The following KLHL3 variants were observed in gnomAD, a reference collection of about 807,000 sequenced individuals.
KLHL3 encodes kelch like family member 3, also known as kelch-like protein 3.
KLHL3 carries 19 observed loss-of-function variants against 70.5 expected under a neutral mutation model. That is an observed-to-expected ratio of 0.27 (90% CI 0.19 to 0.40). KLHL3 has a LOEUF of 0.40. Among genes scored for constraint, KLHL3 ranks in the 10% least tolerant of loss-of-function variants. The pLI is 1.00. For missense variants in KLHL3, 512 were observed against 771.1 expected (o/e 0.66, Z 3.98); for synonymous variants, 258 against 290.3 (o/e 0.89, Z 1.13).
chr5:137,663,056 C>CTTTTGTT (rs1751522082), intron 6 of KLHL3, among the ~76,000 whole-genome samples: 1 of 77,928 alleles, frequency 1.3e-5, no homozygotes, highest in African/African-American at 5.4e-5. Context: ...AGCACTCGTT[C>CTTTTGTT]TTTTTTTTTT....
rs375244918 is a variant in KLHL3 at position 137,649,178 on chromosome 5, C to A, written c.903+8953G>T. Among the ~76,000 whole-genome samples, 19 of 152,240 alleles carry A rather than the reference C, an allele frequency of 1.2e-4. No homozygotes were observed. The East Asian group carries it at 2.7e-3, about 22-fold the overall frequency. On this transcript the variant is annotated intron_variant, in intron 8 of 14. Coordinates refer to ENST00000309755, the MANE Select transcript of KLHL3 (RefSeq NM_017415.3). ...GTGCTTTAAAGATGGGTCACAAATT[C>A]TGTGATACTACTACACTCAGACGTG...
In KLHL3 at chr5:137,735,786, C is replaced by T; in HGVS notation, c.-140G>A. ...TCAGCATGGCTGCAAGTGAAGCCTC[C>T]TCCCTTCTCAATCCTCCTTCCTCTG... On this transcript the variant is annotated 5_prime_UTR_variant, in exon 1 of 15. Coordinates refer to ENST00000309755, the MANE Select transcript of KLHL3 (RefSeq NM_017415.3). 8.8e-7 allele frequency: 1 copy of T among 1,130,668 alleles called. No homozygotes were observed. The highest frequency in any genetic ancestry group is 1.7e-5 in the Admixed American group (1 of 58,534). 70.0% of individuals were successfully genotyped at this position (1,130,668 alleles called of 1,614,324 possible).
chr5:137,661,529 C>T (rs931829328), intron 7 of KLHL3: 1 of 162,404 alleles, frequency 6.2e-6, no homozygotes, highest in Non-Finnish European at 1.3e-5. Context: ...TCAACAAAGA[C>T]AGCTAACTTT....
chr5:137,675,757 A>G (rs182845551), intron 6 of KLHL3, among the ~76,000 whole-genome samples: 10 of 152,290 alleles, frequency 6.6e-5, no homozygotes, highest in Admixed American at 5.9e-4. Flanking sequence ...TGATCTCAAG[A>G]GCAAGATGGG....
intron 10 of KLHL3, 75 bp from the exon 11 acceptor site, chr5:137,637,470 G>A (rs1750797303): frequency 1.5e-6 from 2 of 1,315,304 alleles, no homozygotes; most frequent in South Asian, 2.4e-5. Context: ...GTGAGGATGG[G>A]GGAGGAGTCC....
At chr5:137,663,418 A>G (rs886094240) in intron 6 of KLHL3, among the ~76,000 whole-genome samples, 1 of 152,036 alleles carries the variant, frequency 6.6e-6, no homozygotes, top group Non-Finnish European at 1.5e-5. Flanking sequence ...CAAGTCCCTT[A>G]TATAAAATGG....
At chr5:137,703,888 AT>A (rs1752622154) in intron 3 of KLHL3, among the ~76,000 whole-genome samples, 1 of 151,732 alleles carries the variant, frequency 6.6e-6, no homozygotes. Flanking sequence ...AAAAAAAAAA[AT>A]CAACCCTAAT....
chr5:137,669,479 A>G (rs1176445921), intron 6 of KLHL3, among the ~76,000 whole-genome samples: 4 of 149,928 alleles, frequency 2.7e-5, no homozygotes, highest in African/African-American at 9.7e-5. Context: ...ATAACCAAAA[A>G]TGATGAAAAA....
intron 6 of KLHL3, 103 bp from the exon 7 acceptor site, chr5:137,662,134 T>C (rs1751493667): frequency 6.1e-6 from 4 of 656,642 alleles, no homozygotes; most frequent in Admixed American, 2.5e-5. Context: ...GAAAAAGTTA[T>C]GAGTCATCCA....
intron 6 of KLHL3, chr5:137,672,045 A>C (rs1434880568): frequency 6.6e-6 from 1 of 152,212 alleles, no homozygotes; most frequent in Admixed American, 6.5e-5. Context: ...TATTCTGTGC[A>C]TGGGTAGTTA....
At chr5:137,684,187 C>T (rs1303927362) in intron 5 of KLHL3, among the ~76,000 whole-genome samples, 2 of 152,184 alleles carry the variant, frequency 1.3e-5, no homozygotes, top group African/African-American at 4.8e-5. Flanking sequence ...ACAGTTTCTT[C>T]ACCTATAAGC....
At chr5:137,638,881 G>T in intron 10 of KLHL3, 72 bp downstream of exon 10, 1 of 1,441,242 alleles carries the variant, frequency 6.9e-7, no homozygotes, top group Non-Finnish European at 9.6e-7. Context: ...TCCAGAACTG[G>T]CTGAATAAAA....
At chr5:137,712,013 C>A (rs1376347466) in intron 2 of KLHL3, among the ~76,000 whole-genome samples, 1 of 150,372 alleles carries the variant, frequency 6.7e-6, no homozygotes, top group Non-Finnish European at 1.5e-5. Context: ...AAAAAAAAAG[C>A]CCGGTGTGGT....
At chr5:137,710,476 T>C (rs1486660143) in intron 2 of KLHL3, among the ~76,000 whole-genome samples, 2 of 152,232 alleles carry the variant, frequency 1.3e-5, no homozygotes, top group Non-Finnish European at 2.9e-5. Flanking sequence ...CCTTTCTGTT[T>C]GTCACCCCAA....
At chr5:137,636,364 C>T (rs1362340380) in intron 11 of KLHL3, among the ~76,000 whole-genome samples, 2 of 152,192 alleles carry the variant, frequency 1.3e-5, no homozygotes, top group Admixed American at 6.5e-5. Flanking sequence ...TCTGCATACA[C>T]GTCTGAATGA....
At chr5:137,623,319 C>T (rs1216612323) in intron 14 of KLHL3, among the ~76,000 whole-genome samples, 1 of 152,196 alleles carries the variant, frequency 6.6e-6, no homozygotes, top group African/African-American at 2.4e-5. Context: ...ATTGAGAGAA[C>T]ATGGCTAAAA....
At chr5:137,730,140 A>G (rs1753151216) in intron 1 of KLHL3, among the ~76,000 whole-genome samples, 1 of 152,232 alleles carries the variant, frequency 6.6e-6, no homozygotes. Context: ...AGGTACAGAC[A>G]TAAAGTCTTC....
intron 6 of KLHL3, among the ~76,000 whole-genome samples, chr5:137,667,064 G>C (rs760959003): frequency 6.6e-6 from 1 of 152,096 alleles, no homozygotes; most frequent in African/African-American, 2.4e-5. Flanking sequence ...ATAGCAGGGG[G>C]GTTGCAAACT....
intron 7 of KLHL3, among the ~76,000 whole-genome samples, chr5:137,659,419 G>A (rs78402173): frequency 0.032 from 4,829 of 152,184 alleles, 116 homozygotes; most frequent in Middle Eastern, 0.082. Context: ...GAGCTGGCAG[G>A]GAAAAAAGGA....
Sources: gnomAD v4.1 joint callset for allele counts (sites outside exome capture counted in the v4.1 genomes callset) on GRCh38, gnomAD v4.1.1 for gene constraint, MANE v1.5 for transcripts, NCBI Gene and HGNC (gene_info 2026-07-23, HGNC 2026-07-21) for gene names.